Variants in OTOP3 observed in about 807,000 individuals in gnomAD.
The protein encoded by OTOP3 is proton channel OTOP3.
Under a neutral mutation model 50.8 loss-of-function variants are expected in OTOP3, and 41 were observed. That is an observed-to-expected ratio of 0.81 (90% CI 0.63 to 1.05). OTOP3 has a LOEUF of 1.05. OTOP3 is among the 50% of genes least tolerant of loss of function. The pLI is 0.00. For synonymous variants in OTOP3, 320 were observed against 324.4 expected (o/e 0.99, Z 0.14); for missense variants, 788 against 760.8 (o/e 1.04, Z -0.42).
rs141385371 is a variant in OTOP3, at chr17:74,946,810, G to A, written c.901G>A (p.Val301Met). 1.6e-4 allele frequency: 252 copies of A among 1,611,636 alleles called. No individual in the cohort carries two copies. The highest frequency in any genetic ancestry group is 7.5e-4 in the Admixed American group (45 of 60,030). The change falls in exon 6 of 7, where the codon GTG (valine) becomes ATG (methionine). Residue 301 changes from valine to methionine, a missense_variant. By Grantham distance (21) the Val-to-Met change is conservative. Transcript: ENST00000328801. ...FVMWKNVGRH[V>M]APHMGAHPAT... is the part of the protein sequence containing the mutation. ...CATGTGGAAGAACGTGGGCCGCCACGTGGCACCCCACATGGGTGCCCACCC... is the reference window on the plus strand; with the variant it reads ...CATGTGGAAGAACGTGGGCCGCCACATGGCACCCCACATGGGTGCCCACCC...
chr17:74,947,524 C>T (rs536039185), intron 6 of OTOP3, 49 bp downstream of exon 6: 3 of 1,480,514 alleles, frequency 2.0e-6, no homozygotes, highest in Non-Finnish European at 1.8e-6. Flanking sequence ...GCCAGGCAGA[C>T]CCAGAAAGCC....
At chr17:74,940,108 C>T (rs2039156078) in intron 1 of OTOP3, among the ~76,000 whole-genome samples, 1 of 141,746 alleles carries the variant, frequency 7.1e-6, no homozygotes, top group South Asian at 2.3e-4. Flanking sequence ...CACACACACA[C>T]ACACACACAC....
chr17:74,947,506 T>C, intron 6 of OTOP3, 31 bp downstream of exon 6: 2 of 1,540,308 alleles, frequency 1.3e-6, no homozygotes, highest in Non-Finnish European at 1.7e-6. Flanking sequence ...GCCTGGAGGG[T>C]AGAGGTGGCC....
intron 1 of OTOP3, among the ~76,000 whole-genome samples, chr17:74,937,764 G>T (rs1202376165): frequency 6.6e-6 from 1 of 152,186 alleles, no homozygotes; most frequent in African/African-American, 2.4e-5. Flanking sequence ...GCAGGACCCG[G>T]TCTCTGTCCT....
chr17:74,940,182 T>G (rs2039158068), intron 1 of OTOP3, among the ~76,000 whole-genome samples: 1 of 149,506 alleles, frequency 6.7e-6, no homozygotes, highest in Non-Finnish European at 1.5e-5. Flanking sequence ...GTTTTTTTTT[T>G]TTTTTGAAGA....
At chr17:74,945,576 T>C (rs1281045385) in intron 5 of OTOP3, among the ~76,000 whole-genome samples, 1 of 152,190 alleles carries the variant, frequency 6.6e-6, no homozygotes, top group Non-Finnish European at 1.5e-5. Flanking sequence ...TCAGGTTAGA[T>C]ATTTTCGGCC....
intron 5 of OTOP3, among the ~76,000 whole-genome samples, chr17:74,946,201 C>T (rs1598607016): frequency 6.6e-6 from 1 of 152,286 alleles, no homozygotes; most frequent in Admixed American, 6.5e-5. Context: ...TGGTCTTGAA[C>T]TCCTGACCTC....
intron 5 of OTOP3, among the ~76,000 whole-genome samples, chr17:74,944,052 A>G (rs72844520): frequency 0.013 from 2,003 of 152,122 alleles, 31 homozygotes; most frequent in Middle Eastern, 0.031. Flanking sequence ...TTTTACTTGC[A>G]AGCAACTCAA....
chr17:74,943,350 A>G lies in OTOP3; in HGVS notation c.632+6A>G. ...GTCCAGACCAACTTCACTAGGTAAG[A>G]CTTCTCTCCCTCCCAAACCCTCTGG... is the stretch of plus-strand genomic sequence containing the variant. On this transcript the variant is annotated splice_donor_region_variant and intron_variant, in intron 4 of 6. Transcript: ENST00000328801. 2 of 1,613,268 alleles carry G rather than the reference A, an allele frequency of 1.2e-6. No individual in the cohort carries two copies. The highest frequency in any genetic ancestry group is 1.7e-6 in the Non-Finnish European group (2 of 1,179,258).
At chr17:74,948,346 A>T (rs762411335) in intron 6 of OTOP3, among the ~76,000 whole-genome samples, 3 of 152,122 alleles carry the variant, frequency 2.0e-5, no homozygotes, top group Admixed American at 6.6e-5. Flanking sequence ...CAACACAGGG[A>T]GACCCTGTCT....
intron 1 of OTOP3, among the ~76,000 whole-genome samples, chr17:74,939,833 C>T (rs1331698429): frequency 6.6e-6 from 1 of 152,172 alleles, no homozygotes; most frequent in African/African-American, 2.4e-5. Context: ...AGGCCTGTCC[C>T]ATGCTCTCAG....
At chr17:74,947,610 T>A in intron 6 of OTOP3, 135 bp downstream of exon 6, 1 of 893,122 alleles carries the variant, frequency 1.1e-6, no homozygotes, top group Non-Finnish European at 1.6e-6. Flanking sequence ...TCCCCCCAGT[T>A]CCCTACAGGG....
intron 1 of OTOP3, among the ~76,000 whole-genome samples, chr17:74,938,729 T>C (rs2039142733): frequency 1.3e-5 from 2 of 152,216 alleles, no homozygotes; most frequent in South Asian, 2.1e-4. Flanking sequence ...TGAGAGGCCA[T>C]GCAGGCTGTG....
chr17:74,944,356 G>A (rs1394300899), intron 5 of OTOP3, among the ~76,000 whole-genome samples: 1 of 152,150 alleles, frequency 6.6e-6, no homozygotes, highest in Non-Finnish European at 1.5e-5. Context: ...CATCAGTCAC[G>A]ACACGCCTGT....
In OTOP3 at chr17:74,941,648, T is replaced by C. The variant is rs1396652491; in HGVS notation, c.275T>C (p.Ile92Thr). 7 of 1,613,988 alleles carry C rather than the reference T, an allele frequency of 4.3e-6. No individual in the cohort carries two copies. The highest frequency in any genetic ancestry group is 4.2e-6 in the Non-Finnish European group (5 of 1,180,016). ...GGTGGCGCCTTCATCTGCAGCATGA[T>C]CTTCAACAAGGTGGCCGTCACTCTG... The part of the protein sequence containing the change: ...FLGGAFICSM[I>T]FNKVAVTLGD... Residue 92 changes from isoleucine to threonine, a missense_variant, in exon 2 of 7, where the codon ATC becomes ACC. Transcript: ENST00000328801.
In OTOP3 at chr17:74,937,087, C is replaced by G. The variant is rs2039125983; in HGVS notation, c.19+1147C>G. Among the ~76,000 whole-genome samples, 3 of 151,828 alleles carry G rather than the reference C, an allele frequency of 2.0e-5. No individual in the cohort carries two copies. The East Asian group carries it at 5.8e-4, about 30-fold the overall frequency. ...AAGCAATCCTCCCACATCAGCCTCC[C>G]GAGTAGCTGGGACTACAGGTGCATG... On this transcript the variant is annotated intron_variant, in intron 1 of 6. Transcript: ENST00000328801.
chr17:74,937,305 C>T (rs1442626658), intron 1 of OTOP3, among the ~76,000 whole-genome samples: 1 of 152,162 alleles, frequency 6.6e-6, no homozygotes, highest in Non-Finnish European at 1.5e-5. Flanking sequence ...TATGCACCAG[C>T]TACTATTCCA....
rs574917121 is a variant in OTOP3 at position 74,943,586 on chromosome 17, G to C, written c.633-20G>C. 11 of 1,610,506 alleles carry C rather than the reference G, an allele frequency of 6.8e-6. No individual in the cohort carries two copies. The South Asian group carries it at 1.2e-4, about 18-fold the overall frequency. On this transcript the variant is annotated intron_variant, in intron 4 of 6. Coordinates refer to ENST00000328801, the MANE Select transcript of OTOP3 (RefSeq NM_001272005.2). ...GGGAGCCGGCCAGGGTGTGTGAGAA[G>C]AGTGTGGCATTTCCCCCAGGTGTGG...
At position 74,946,904 on chromosome 17, in the gene OTOP3, C is replaced by T. The variant is rs117354589; in HGVS notation, c.995C>T (p.Ala332Val). Residue 332 changes from alanine to valine, a missense_variant, in exon 6 of 7, where the codon GCA (alanine) becomes GTA (valine). Physicochemically the swap from Ala to Val is moderately conservative, Grantham distance 64. Coordinates refer to ENST00000328801, the MANE Select transcript of OTOP3 (RefSeq NM_001272005.2). ...CTGCTGGGCCTGCTGGTGCTGCTGG[C>T]AGGTGTGTGCGTCTTTGTGCTCTTC... ...GPLLGLLVLL[A>V]GVCVFVLFQI... 29 of 1,611,880 alleles carry T rather than the reference C, an allele frequency of 1.8e-5. No individual in the cohort carries two copies. The highest frequency in any genetic ancestry group is 2.3e-5 in the Non-Finnish European group (27 of 1,179,944).
Sources: allele counts gnomAD v4.1 joint callset (sites outside exome capture counted in the v4.1 genomes callset), GRCh38; gene constraint gnomAD v4.1.1; transcripts MANE v1.5; gene names NCBI Gene and HGNC (gene_info 2026-07-23, HGNC 2026-07-21).